The following SHOC1 variants were observed in gnomAD, a reference collection of about 807,000 sequenced individuals.
SHOC1 encodes the protein shortage in chiasmata 1, also known as protein shortage in chiasmata 1 ortholog.
In SHOC1, 136 loss-of-function variants were observed where a neutral mutation model predicts 179.2. The ratio of observed to expected loss-of-function variants is 0.76; its 90% CI spans 0.66 to 0.87. SHOC1 has a LOEUF of 0.87. SHOC1 is among the 40% of genes least tolerant of loss of function. SHOC1 has a pLI of 0.00. For synonymous variants in SHOC1, 489 were observed against 586.6 expected, an observed-to-expected ratio of 0.83 and a Z score of 2.41; for missense variants, 1,538 against 1,700.8, an observed-to-expected ratio of 0.90 and a Z score of 1.68.
In SHOC1 at chr9:111,686,787, G is replaced by T. The variant is rs547213345; in HGVS notation, c.4510C>A (p.Arg1504=). Residue 1504 remains arginine, a synonymous_variant, in exon 28 of 28, where the codon CGG becomes AGG. Coordinates refer to ENST00000682961, the MANE Select transcript of SHOC1 (RefSeq NM_001378211.1). ...CTCCTCCTTCAAAAAAACCTCAGCC[G>T]AGTCTGCCCATCAACTCTACCAGGG... ...KVPGRVDGQT[R]LRFF is the part of the protein sequence containing the mutation. 1 of 1,612,416 alleles carries T rather than the reference G, an allele frequency of 6.2e-7. No individual in the cohort carries two copies. The highest frequency in any genetic ancestry group is 1.1e-5 in the South Asian group (1 of 91,026).
chr9:111,713,551 T>C (rs1255753022), intron 17 of SHOC1, among the ~76,000 whole-genome samples: 1 of 152,038 alleles, frequency 6.6e-6, no homozygotes, highest in African/African-American at 2.4e-5. Flanking sequence ...GGGGGAGAGG[T>C]GGGAGAGCAA....
At chr9:111,786,356 ACCCGGGAGGTGGAGTTTG>A (rs908022152) in intron 2 of SHOC1, among the ~76,000 whole-genome samples, 4 of 151,796 alleles carry the variant, frequency 2.6e-5, no homozygotes, top group Admixed American at 6.6e-5. Flanking sequence ...AATGGTGTGA[ACCCGGGAGGTGGAGTTTG>A]CAGTGAGCCG....
Position 111,746,359 on chromosome 9 carries a change from T to A in SHOC1, c.971-17A>T. The A allele has an allele frequency of 6.6e-7, 1 of 1,506,424 alleles. No individual in the cohort carries two copies. The highest frequency in any genetic ancestry group is 9.2e-7 in the Non-Finnish European group (1 of 1,083,572). 93.3% of individuals were successfully genotyped at this position (1,506,424 alleles called of 1,614,324 possible). On this transcript the variant is annotated splice_polypyrimidine_tract_variant and intron_variant, in intron 9 of 27. Coordinates refer to ENST00000682961, the MANE Select transcript of SHOC1 (RefSeq NM_001378211.1). ...CTAACTCTCCTGGAATATATGAAAA[T>A]TAAAGTTATGTAAACATTGAATAAT...
intron 24 of SHOC1, among the ~76,000 whole-genome samples, chr9:111,697,063 C>A (rs1226822439): frequency 6.6e-6 from 1 of 152,130 alleles, no homozygotes; most frequent in Non-Finnish European, 1.5e-5. Flanking sequence ...CATTCTTACC[C>A]ATCAGGGTGG....
chr9:111,774,145 C>T (rs1440797537), intron 5 of SHOC1, among the ~76,000 whole-genome samples: 1 of 151,920 alleles, frequency 6.6e-6, no homozygotes, highest in East Asian at 1.9e-4. Flanking sequence ...TTGTGTAACC[C>T]ATTAGTTTTT....
intron 20 of SHOC1, among the ~76,000 whole-genome samples, chr9:111,705,821 G>A (rs1019362028): frequency 6.6e-6 from 1 of 151,916 alleles, no homozygotes; most frequent in Non-Finnish European, 1.5e-5. Flanking sequence ...ACATTTTACA[G>A]ATCAATAAGA....
rs376382487 is a variant in SHOC1 at position 111,741,492 on chromosome 9, G to T, written c.1158C>A (p.Asn386Lys). 1 of 1,609,422 alleles carries T rather than the reference G, an allele frequency of 6.2e-7. No homozygotes were observed. The change falls in exon 11 of 28, where the codon AAC (asparagine) becomes AAA (lysine). Residue 386 changes from asparagine to lysine, a missense_variant. By Grantham distance (94) the Asn-to-Lys change is moderately conservative. Transcript: ENST00000682961. ...WQLERCRSPL[N>K]PFLLTVPRIQ... ...AATCTTTACCTGTAAGCAAAAATGG[G>T]TTCAAAGGGCTTCTACATCTTTCTA... is the stretch of plus-strand genomic sequence containing the variant.
At chr9:111,703,263 A>G (rs1564109879) in intron 22 of SHOC1, among the ~76,000 whole-genome samples, 1 of 152,158 alleles carries the variant, frequency 6.6e-6, no homozygotes, top group Non-Finnish European at 1.5e-5. Context: ...CAAAACACAT[A>G]TTGGCCATTA....
chr9:111,748,978 C>G (rs1834436305), intron 8 of SHOC1, among the ~76,000 whole-genome samples: 2 of 128,808 alleles, frequency 1.6e-5, no homozygotes, highest in Admixed American at 1.6e-4. Flanking sequence ...TTTCCCCTCC[C>G]TCCCTCCCTC....
chr9:111,772,833 CCT>C (rs1231960211), intron 5 of SHOC1, among the ~76,000 whole-genome samples: 1 of 152,152 alleles, frequency 6.6e-6, no homozygotes, highest in Non-Finnish European at 1.5e-5. Flanking sequence ...TCCCTTCTCC[CCT>C]CTTTGTCTCT....
intron 5 of SHOC1, chr9:111,759,200 T>C (rs1237573504): frequency 1.2e-6 from 2 of 1,613,638 alleles, no homozygotes; most frequent in Non-Finnish European, 1.7e-6. Flanking sequence ...TTTAAAGAAA[T>C]AGAAGTATTT....
chr9:111,758,933 T>G, intron 5 of SHOC1, 85 bp from the exon 6 acceptor site: 2 of 913,748 alleles, frequency 2.2e-6, no homozygotes, highest in Non-Finnish European at 3.3e-6. Context: ...TAATCAGTCA[T>G]TAGATACAGC....
intron 2 of SHOC1, among the ~76,000 whole-genome samples, chr9:111,788,825 T>A (rs528008434): frequency 6.6e-6 from 1 of 152,370 alleles, no homozygotes; most frequent in Admixed American, 6.5e-5. Context: ...TTAATAAGTT[T>A]GTAAATGAGT....
intron 2 of SHOC1, among the ~76,000 whole-genome samples, chr9:111,788,045 T>C (rs1836321770): frequency 6.6e-6 from 1 of 151,498 alleles, no homozygotes; most frequent in South Asian, 2.1e-4. Context: ...TAATGGACTA[T>C]AGTATAGCAT....
intron 5 of SHOC1, among the ~76,000 whole-genome samples, chr9:111,765,374 G>A (rs1052914622): frequency 5.9e-5 from 9 of 152,142 alleles, no homozygotes; most frequent in African/African-American, 2.2e-4. Context: ...AAGGTGAAAG[G>A]ATCACTTGAG....
intron 1 of SHOC1, among the ~76,000 whole-genome samples, chr9:111,793,943 C>T (rs2131664583): frequency 6.6e-6 from 1 of 152,126 alleles, no homozygotes; most frequent in Non-Finnish European, 1.5e-5. Context: ...CCTCCAGCTC[C>T]CGGGTTCAAG....
chr9:111,727,568 A>T (rs1250581289), intron 13 of SHOC1, 65 bp downstream of exon 13: 40 of 1,354,442 alleles, frequency 3.0e-5, no homozygotes, highest in Non-Finnish European at 2.9e-5. Context: ...TGCCTTCTAT[A>T]ATAAATTATG....
Position 111,746,234 on chromosome 9 carries a change from A to G in SHOC1, c.1079T>C (p.Ile360Thr), listed in dbSNP as rs1389423828. 2 of 1,571,278 alleles carry G rather than the reference A, an allele frequency of 1.3e-6. No individual in the cohort carries two copies. Among genetic ancestry groups the G allele is most frequent in the Non-Finnish European group, 1.8e-6 (2 of 1,141,570 alleles). ...QTFPLSPVCK[I>T]NLLTAEESAN... ...GGTTCTAGATATAATCTTTACTTAC[A>G]TTTTACAAACCGGAGATAATGGAAA... is the stretch of plus-strand genomic sequence containing the variant. The change falls in exon 10 of 28, where the codon ATT becomes ACT. Residue 360 changes from isoleucine to threonine, a missense_variant and splice_region_variant. Ile to Thr is a moderately conservative substitution (Grantham distance 89). Transcript: ENST00000682961.
intron 4 of SHOC1, among the ~76,000 whole-genome samples, chr9:111,778,541 G>A (rs1281508437): frequency 1.3e-5 from 2 of 152,100 alleles, no homozygotes; most frequent in Admixed American, 1.3e-4. Context: ...GGCTGTGGTG[G>A]GTGCATCACC....
Sources: allele counts gnomAD v4.1 joint callset (sites outside exome capture counted in the v4.1 genomes callset), GRCh38; gene constraint gnomAD v4.1.1; transcripts MANE v1.5; gene names NCBI Gene and HGNC (gene_info 2026-07-23, HGNC 2026-07-21).